WASF3: variants seen among roughly 807,000 people sequenced by gnomAD.
WASF3 encodes WASP family member 3.
In WASF3, 11 loss-of-function variants were observed where a neutral mutation model predicts 46.6. The observed-to-expected ratio is 0.24, with a 90% CI of 0.15 to 0.39. WASF3 has a LOEUF of 0.39. WASF3 is among the 10% of genes least tolerant of loss of function. The pLI, the probability that WASF3 is intolerant of heterozygous loss-of-function variation, is 1.00. For missense variants in WASF3, 576 were observed against 669.8 expected, an observed-to-expected ratio of 0.86 and a Z score of 1.55; for synonymous variants, 242 against 259.7, an observed-to-expected ratio of 0.93 and a Z score of 0.65.
chr13:26,614,380 T>C (rs1360264932), intron 2 of WASF3, among the ~76,000 whole-genome samples: 3 of 152,188 alleles, frequency 2.0e-5, no homozygotes, highest in African/African-American at 7.2e-5. Context: ...TTCCAAAATA[T>C]TTTGAAATTA....
chr13:26,546,429 C>A, the WASF3 span, among the ~76,000 whole-genome samples: 1 of 152,150 alleles, frequency 6.6e-6, no homozygotes, highest in Non-Finnish European at 1.5e-5. Flanking sequence ...AGACTGGGTG[C>A]GGTGGCTCAC....
chr13:26,557,876 GGCTC>G (rs1449849108), intron 1 of WASF3, 57 bp downstream of exon 1: 2 of 296,042 alleles, frequency 6.8e-6, no homozygotes, highest in East Asian at 1.1e-4. Flanking sequence ...TGGCCCTCTC[GGCTC>G]CGGGCCGGGC....
the WASF3 span, among the ~76,000 whole-genome samples, chr13:26,544,115 T>C: frequency 6.6e-6 from 1 of 152,220 alleles, no homozygotes; most frequent in Non-Finnish European, 1.5e-5. Context: ...GATTTGGGAA[T>C]GAAATCCTTA....
chr13:26,545,320 T>G, the WASF3 span, among the ~76,000 whole-genome samples: 1 of 152,234 alleles, frequency 6.6e-6, no homozygotes, highest in Admixed American at 6.5e-5. Flanking sequence ...ATTTTAATAT[T>G]CTTTCATGGA....
At position 26,682,577 on chromosome 13, in the gene WASF3, T is replaced by C; in HGVS notation, c.984-30T>C. 1 of 1,613,708 alleles carries C rather than the reference T, an allele frequency of 6.2e-7. No homozygotes were observed. On this transcript the variant is annotated intron_variant, in intron 8 of 9. Coordinates refer to ENST00000335327, the MANE Select transcript of WASF3 (RefSeq NM_006646.6). The surrounding 1 kb of genome is among the most constrained non-coding windows in gnomAD (Gnocchi z 4.4). ...AGGACGTGACCCTCTCTTGTTCCCT[T>C]GGTGACTATGTGCCTCATATCTCTC...
intron 1 of WASF3, among the ~76,000 whole-genome samples, chr13:26,606,082 A>T (rs949384527): frequency 6.6e-6 from 1 of 152,176 alleles, no homozygotes; most frequent in Non-Finnish European, 1.5e-5. Context: ...GTGCAGTAAC[A>T]GTACTTGGTG....
Position 26,665,030 on chromosome 13 carries a change from A to G in WASF3, c.136A>G (p.Lys46Glu), listed in dbSNP as rs749306043. 5.6e-6 allele frequency: 9 copies of G among 1,613,964 alleles called. No homozygotes were observed. In the Admixed American group the frequency reaches 1.5e-4, roughly 27 times the overall value. The change falls in exon 4 of 10, where the codon AAA becomes GAA. Residue 46 changes from lysine to glutamate, a missense_variant and splice_region_variant. This residue lies in a region of WASF3 where 213 missense variants were observed against 278.0 expected (regional missense o/e 0.77). Coordinates refer to ENST00000335327, the MANE Select transcript of WASF3 (RefSeq NM_006646.6). ...TCTCCATTCATTTTATTCTACAGGCAAACATGCTGAAGACATATTTGGTGA... is the reference window on the plus strand; with the variant it reads ...TCTCCATTCATTTTATTCTACAGGCGAACATGCTGAAGACATATTTGGTGA... ...AIIRQLSSLS[K>E]HAEDIFGELF...
At chr13:26,668,628 T>C (rs1392794559) in intron 5 of WASF3, among the ~76,000 whole-genome samples, 3 of 152,250 alleles carry the variant, frequency 2.0e-5, no homozygotes, top group Middle Eastern at 3.2e-3. Context: ...TCCTGTCCTT[T>C]CTCAGGGTCC....
intron 3 of WASF3, among the ~76,000 whole-genome samples, chr13:26,650,695 T>A (rs1164667884): frequency 6.6e-6 from 1 of 152,168 alleles, no homozygotes; most frequent in Non-Finnish European, 1.5e-5. Flanking sequence ...ATGGAAATCA[T>A]TTTTTTAAAT....
chr13:26,581,404 T>C (rs796510230), intron 1 of WASF3, among the ~76,000 whole-genome samples: 46 of 152,226 alleles, frequency 3.0e-4, no homozygotes, highest in African/African-American at 1.0e-3. Context: ...ACAGAATTTC[T>C]GAAGTAGTAA....
chr13:26,591,551 A>G (rs776582687), intron 1 of WASF3, among the ~76,000 whole-genome samples: 4 of 152,140 alleles, frequency 2.6e-5, no homozygotes, highest in Non-Finnish European at 5.9e-5. Flanking sequence ...TGGGGTTGCC[A>G]TGAACTGAGA....
the WASF3 span, among the ~76,000 whole-genome samples, chr13:26,548,659 C>T: frequency 1.8e-3 from 278 of 152,302 alleles, no homozygotes; most frequent in African/African-American, 5.4e-3. Context: ...TATGCAATCA[C>T]GCCAGAATTT....
At chr13:26,601,329 T>A (rs532199692) in intron 1 of WASF3, among the ~76,000 whole-genome samples, 3 of 152,198 alleles carry the variant, frequency 2.0e-5, no homozygotes, top group Middle Eastern at 3.2e-3. Flanking sequence ...TGTGTATAGG[T>A]TTATTACCAC....
chr13:26,577,091 T>C (rs1210707972), intron 1 of WASF3: 1 of 784,252 alleles, frequency 1.3e-6, no homozygotes, highest in Non-Finnish European at 2.3e-6. Context: ...GTGTTTGAAG[T>C]GAGTCTTGCT....
intron 2 of WASF3, among the ~76,000 whole-genome samples, chr13:26,622,998 C>A (rs1881354555): frequency 6.6e-6 from 1 of 152,174 alleles, no homozygotes; most frequent in Non-Finnish European, 1.5e-5. Flanking sequence ...CAAAGGGTGA[C>A]AAACCCATCT....
rs543669927 is a variant in WASF3 at position 26,587,924 on chromosome 13, A to C, written c.-108-25037A>C. On this transcript the variant is annotated intron_variant, in intron 1 of 9. Coordinates refer to ENST00000335327, the MANE Select transcript of WASF3 (RefSeq NM_006646.6). ...TTTTGGAAAGTTACATTGAGAATTC[A>C]TTGATTTATGATTGCTATAGGACTT... Among the ~76,000 whole-genome samples the C allele has an allele frequency of 2.6e-5, 4 of 152,330 alleles. No individual in the cohort carries two copies. In the South Asian group the frequency reaches 8.3e-4, roughly 32 times the overall value.
At chr13:26,610,901 C>G (rs894234422) in intron 1 of WASF3, among the ~76,000 whole-genome samples, 1 of 152,056 alleles carries the variant, frequency 6.6e-6, no homozygotes, top group Non-Finnish European at 1.5e-5. Context: ...TTCACAAAGT[C>G]TAGTTAATTC....
intron 1 of WASF3, among the ~76,000 whole-genome samples, chr13:26,592,854 C>T (rs1362267356): frequency 6.6e-6 from 1 of 151,984 alleles, no homozygotes; most frequent in African/African-American, 2.4e-5. Context: ...GTGTGCCTGT[C>T]TCTGTGGGTT....
intron 4 of WASF3, among the ~76,000 whole-genome samples, chr13:26,666,479 A>G (rs1466800777): frequency 6.6e-6 from 1 of 152,208 alleles, no homozygotes; most frequent in African/African-American, 2.4e-5. Flanking sequence ...GGAAGTCTGT[A>G]TTCTGTTTTG....
Sources: allele counts gnomAD v4.1 joint callset (sites outside exome capture counted in the v4.1 genomes callset), GRCh38; gene constraint gnomAD v4.1.1; regional missense constraint gnomAD v4.1.1; non-coding constraint Gnocchi (gnomAD v3.1); transcripts MANE v1.5; gene names NCBI Gene and HGNC (gene_info 2026-07-23, HGNC 2026-07-21).